ABLIM1: variants seen among roughly 807,000 people sequenced by gnomAD.
ABLIM1 encodes the protein actin binding LIM protein 1, also known as actin-binding LIM protein 1.
In ABLIM1, 40 loss-of-function variants were observed where a neutral mutation model predicts 107.0. The ratio of observed to expected loss-of-function variants is 0.37; its 90% CI spans 0.29 to 0.49. The LOEUF (loss-of-function observed/expected upper bound fraction) is 0.49, where lower values mean the gene tolerates loss of function less well. Among genes scored for constraint, ABLIM1 ranks in the 20% least tolerant of loss-of-function variants. The pLI is 0.97. For synonymous variants in ABLIM1, 357 were observed against 357.3 expected (o/e 1.00, Z 0.01); for missense variants, 857 against 1,008.5 (o/e 0.85, Z 2.04).
intron 6 of ABLIM1, among the ~76,000 whole-genome samples, chr10:114,512,881 AAG>A (rs1212535293): frequency 1.3e-5 from 2 of 150,338 alleles, no homozygotes; most frequent in African/African-American, 4.9e-5. Context: ...GGAAGGAAGG[AAG>A]GAAGGAAGGA....
At position 114,441,055 on chromosome 10, in the gene ABLIM1, T is replaced by G. The variant is rs1482649589; in HGVS notation, c.2021A>C (p.Gln674Pro). 6.3e-7 allele frequency: 1 copy of G among 1,588,154 alleles called. No homozygotes were observed. The highest frequency in any genetic ancestry group is 8.6e-7 in the Non-Finnish European group (1 of 1,166,024). ...GCTGACATCCCCATAGCTGTTATACTGAGCGAAGTCGGTAGAAACAGGCTG... is the reference window on the plus strand; with the variant it reads ...GCTGACATCCCCATAGCTGTTATACGGAGCGAAGTCGGTAGAAACAGGCTG... ...LHRPVSTDFAQYNSYGDVSGG... is the reference protein window; with the variant it reads ...LHRPVSTDFAPYNSYGDVSGG... Residue 674 changes from glutamine to proline, a missense_variant, in exon 19 of 23, where the codon CAG becomes CCG. Coordinates refer to ENST00000533213, the MANE Select transcript of ABLIM1 (RefSeq NM_002313.7).
At chr10:114,742,279 C>T (rs372534024) in intron 1 of ABLIM1, among the ~76,000 whole-genome samples, 6 of 152,246 alleles carry the variant, frequency 3.9e-5, no homozygotes, top group African/African-American at 9.6e-5. Flanking sequence ...TTAATTGCTA[C>T]GTGTTAATTT....
chr10:114,778,841 T>A, the ABLIM1 span: 1 of 152,148 alleles, frequency 6.6e-6, no homozygotes, highest in African/African-American at 2.4e-5. Context: ...TTAAAAAGAT[T>A]TGTTTGCTGA....
At chr10:114,741,483 C>T (rs928516057) in intron 1 of ABLIM1, among the ~76,000 whole-genome samples, 2 of 151,984 alleles carry the variant, frequency 1.3e-5, no homozygotes, top group African/African-American at 4.8e-5. Flanking sequence ...CCTCAGCCTC[C>T]CAAAGTGCTG....
upstream of ABLIM1, among the ~76,000 whole-genome samples, chr10:114,685,241 T>C (rs74158035): frequency 2.7e-3 from 409 of 152,290 alleles, 2 homozygotes; most frequent in African/African-American, 9.6e-3. Context: ...AAAAGACCCT[T>C]AGGACAAATA....
intron 4 of ABLIM1, among the ~76,000 whole-genome samples, chr10:114,565,788 CTT>C (rs577896964): frequency 2.3e-4 from 23 of 101,064 alleles, no homozygotes; most frequent in African/African-American, 3.2e-4. Flanking sequence ...GAAATGATTT[CTT>C]TTTTTTTTTT....
intron 6 of ABLIM1, among the ~76,000 whole-genome samples, chr10:114,495,857 C>A (rs2059597247): frequency 6.6e-6 from 1 of 152,178 alleles, no homozygotes; most frequent in African/African-American, 2.4e-5. Flanking sequence ...AGGATGCAAA[C>A]CCAGGCAGTC....
chr10:114,666,568 A>G (rs1019886442), intron 1 of ABLIM1, among the ~76,000 whole-genome samples: 2 of 152,236 alleles, frequency 1.3e-5, no homozygotes, highest in Non-Finnish European at 2.9e-5. Context: ...TGGAAGTAAG[A>G]ATAACCTAGT....
intron 1 of ABLIM1, among the ~76,000 whole-genome samples, chr10:114,649,448 TAAATAAAG>T (rs1177653588): frequency 5.0e-5 from 6 of 120,338 alleles, no homozygotes; most frequent in Middle Eastern, 4.4e-3. Context: ...AATAAATAAA[TAAATAAAG>T]GTGTTGATAT....
intron 15 of ABLIM1, among the ~76,000 whole-genome samples, chr10:114,445,774 T>C (rs1184345277): frequency 6.6e-6 from 1 of 152,196 alleles, no homozygotes; most frequent in Non-Finnish European, 1.5e-5. Flanking sequence ...GAATTTCCTT[T>C]TTCCTTTCTT....
chr10:114,468,286 TTTG>T (rs1365845003), intron 10 of ABLIM1, 70 bp from the exon 11 acceptor site: 26 of 1,497,244 alleles, frequency 1.7e-5, no homozygotes, highest in African/African-American at 1.7e-4. Flanking sequence ...TGTTTGTTTG[TTTG>T]TTTGAGATGG....
chr10:114,589,592 C>T (rs1002542964), intron 2 of ABLIM1, among the ~76,000 whole-genome samples: 4 of 151,500 alleles, frequency 2.6e-5, no homozygotes, highest in East Asian at 1.9e-4. Context: ...AGTGCAGTGG[C>T]TAATCACAGG....
At chr10:114,610,702 G>A (rs2076747571) in intron 1 of ABLIM1, 1 of 152,168 alleles carries the variant, frequency 6.6e-6, no homozygotes, top group Non-Finnish European at 1.5e-5. Context: ...GTCATTAGTT[G>A]TCCAAAATGA....
chr10:114,485,424 G>T, intron 8 of ABLIM1: 1 of 1,498,440 alleles, frequency 6.7e-7, no homozygotes, highest in Non-Finnish European at 9.1e-7. Flanking sequence ...CACAGAAATA[G>T]CCTCAAATCA....
At chr10:114,791,507 G>A in the ABLIM1 span, among the ~76,000 whole-genome samples, 1 of 151,952 alleles carries the variant, frequency 6.6e-6, no homozygotes, top group African/African-American at 2.4e-5. Flanking sequence ...GCGTGGTGGT[G>A]GACGCCTGTA....
At chr10:114,613,565 T>C in intron 1 of ABLIM1, 1 of 733,412 alleles carries the variant, frequency 1.4e-6, no homozygotes. Flanking sequence ...TTCATTCAAG[T>C]GCTTATAAAT....
chr10:114,680,188 C>A (rs191399479), intron 1 of ABLIM1, among the ~76,000 whole-genome samples: 1 of 152,140 alleles, frequency 6.6e-6, no homozygotes, highest in Non-Finnish European at 1.5e-5. Flanking sequence ...TTCATTATTA[C>A]GCGGGAGGCA....
intron 1 of ABLIM1, among the ~76,000 whole-genome samples, chr10:114,754,253 G>C (rs895390888): frequency 3.9e-5 from 6 of 152,242 alleles, no homozygotes; most frequent in African/African-American, 1.4e-4. Flanking sequence ...TTTGTAGACT[G>C]TACCTTCTAT....
chr10:114,509,778 C>T (rs1383287554), intron 6 of ABLIM1, among the ~76,000 whole-genome samples: 1 of 152,118 alleles, frequency 6.6e-6, no homozygotes, highest in Non-Finnish European at 1.5e-5. Flanking sequence ...TGTTAACCTG[C>T]CTGTATTAGT....
Sources: gnomAD v4.1 joint callset for allele counts (sites outside exome capture counted in the v4.1 genomes callset) on GRCh38, gnomAD v4.1.1 for gene constraint, MANE v1.5 for transcripts, NCBI Gene and HGNC (gene_info 2026-07-23, HGNC 2026-07-21) for gene names.